Variants in GLIS3 observed in about 807,000 individuals in gnomAD.
GLIS3 encodes GLIS family zinc finger 3, also known as zinc finger protein GLIS3.
Under a neutral mutation model 78.6 loss-of-function variants are expected in GLIS3, and 53 were observed. The ratio of observed to expected loss-of-function variants is 0.67; its 90% confidence interval spans 0.54 to 0.85. GLIS3 has a LOEUF of 0.85. Ranked by LOEUF, GLIS3 falls within the 40% of genes least tolerant of loss-of-function variation. The pLI is 0.00. For missense variants in GLIS3, 1,703 were observed against 1,231.1 expected (o/e 1.38, Z -5.74); for synonymous variants, 684 against 509.9 (o/e 1.34, Z -4.60).
chr9:4,120,930 T>C (rs552798838), intron 3 of GLIS3, among the ~76,000 whole-genome samples: 288 of 152,384 alleles, frequency 1.9e-3, no homozygotes, highest in Non-Finnish European at 3.2e-3. Flanking sequence ...TGTTGAGAGA[T>C]GATTCTTATT....
At chr9:4,301,047 C>T (rs1817049662), upstream of GLIS3, among the ~76,000 whole-genome samples, 1 of 152,092 alleles carries the variant, frequency 6.6e-6, no homozygotes. Context: ...CTCAAGGACA[C>T]AAATGACTTA....
intron 6 of GLIS3, among the ~76,000 whole-genome samples, chr9:3,915,283 C>T (rs1439493309): frequency 1.3e-5 from 2 of 151,996 alleles, no homozygotes; most frequent in Non-Finnish European, 2.9e-5. Context: ...AATCCCCTCT[C>T]AAAAAAACAA....
At chr9:4,053,635 TAA>T (rs569983327) in intron 4 of GLIS3, among the ~76,000 whole-genome samples, 22 of 96,346 alleles carry the variant, frequency 2.3e-4, no homozygotes, top group Non-Finnish European at 2.3e-4. Context: ...TGCTCAAGGC[TAA>T]AAAAAAAAAA....
the GLIS3 span, among the ~76,000 whole-genome samples, chr9:4,442,035 C>G: frequency 1.3e-5 from 2 of 152,202 alleles, no homozygotes; most frequent in Non-Finnish European, 2.9e-5. Context: ...GGTATTAGTC[C>G]TTCTTTAAAC....
intron 4 of GLIS3, among the ~76,000 whole-genome samples, chr9:4,092,612 G>C (rs1235358133): frequency 6.6e-6 from 1 of 152,118 alleles, no homozygotes; most frequent in Non-Finnish European, 1.5e-5. Flanking sequence ...ACAGGGTCAT[G>C]ATCATCAATA....
chr9:4,397,802 G>A, the GLIS3 span, among the ~76,000 whole-genome samples: 12 of 151,440 alleles, frequency 7.9e-5, no homozygotes, highest in East Asian at 2.1e-3. Context: ...AGAGGAGGAA[G>A]GAAAATTACA....
chr9:4,364,198 C>G, the GLIS3 span, among the ~76,000 whole-genome samples: 3,336 of 152,292 alleles, frequency 0.022, 125 homozygotes, highest in African/African-American at 0.077. Flanking sequence ...ATATATCCCT[C>G]AGTCTACTGA....
At chr9:4,364,755 G>GTTT in the GLIS3 span, among the ~76,000 whole-genome samples, 2 of 15,486 alleles carry the variant, frequency 1.3e-4, no homozygotes, top group African/African-American at 1.6e-4. Flanking sequence ...ATCATGTATT[G>GTTT]CTTTTTTTTT....
chr9:3,972,617 C>T (rs1394700311), intron 4 of GLIS3, among the ~76,000 whole-genome samples: 1 of 152,070 alleles, frequency 6.6e-6, no homozygotes, highest in Admixed American at 6.6e-5. Context: ...TTCACATAAG[C>T]CATCTTTAGG....
chr9:4,073,961 TGTAGAA>T (rs1232686002), intron 4 of GLIS3, among the ~76,000 whole-genome samples: 1 of 152,230 alleles, frequency 6.6e-6, no homozygotes, highest in Non-Finnish European at 1.5e-5. Context: ...AGAAGTAAGC[TGTAGAA>T]GGCCATCATA....
chr9:4,366,136 A>G, the GLIS3 span, among the ~76,000 whole-genome samples: 1 of 152,212 alleles, frequency 6.6e-6, no homozygotes, highest in African/African-American at 2.4e-5. Context: ...GACAGAGGAT[A>G]TAAAGGGAAA....
intron 4 of GLIS3, among the ~76,000 whole-genome samples, chr9:3,989,471 T>C (rs1005128065): frequency 2.6e-5 from 4 of 152,212 alleles, no homozygotes; most frequent in Admixed American, 6.5e-5. Context: ...TGTAATAGCT[T>C]AAACTACAAT....
intron 2 of GLIS3, among the ~76,000 whole-genome samples, chr9:4,261,146 C>G (rs1462698756): frequency 1.3e-5 from 2 of 152,188 alleles, no homozygotes. Context: ...TCTTGATTAA[C>G]TCATCCCAAG....
chr9:4,355,535 C>A, the GLIS3 span, among the ~76,000 whole-genome samples: 6 of 152,142 alleles, frequency 3.9e-5, no homozygotes, highest in Non-Finnish European at 8.8e-5. Flanking sequence ...GAAATGGGTG[C>A]TACTCTCCTA....
At chr9:4,367,997 T>C in the GLIS3 span, among the ~76,000 whole-genome samples, 1 of 152,214 alleles carries the variant, frequency 6.6e-6, no homozygotes, top group African/African-American at 2.4e-5. Context: ...TGCAACCAAG[T>C]GTAATTCCAA....
intron 8 of GLIS3, among the ~76,000 whole-genome samples, chr9:3,859,419 T>C (rs1820023855): frequency 6.6e-6 from 1 of 151,354 alleles, no homozygotes; most frequent in Admixed American, 6.6e-5. Context: ...GAATATGTTC[T>C]GAATATTCTG....
chr9:4,253,223 T>G (rs1824565963), intron 2 of GLIS3, among the ~76,000 whole-genome samples: 1 of 152,220 alleles, frequency 6.6e-6, no homozygotes, highest in South Asian at 2.1e-4. Flanking sequence ...AGCCGCCCCT[T>G]TCCCCAGGTG....
In GLIS3 at chr9:4,209,534, G is replaced by A. The variant is rs865854238; in HGVS notation, c.388+76504C>T. 1.9e-4 allele frequency among the ~76,000 whole-genome samples: 29 copies of A among 152,292 alleles called. 1 individual carries two copies. Among genetic ancestry groups the A allele is most frequent in the Middle Eastern group, 3.4e-3 (1 of 294 alleles). On this transcript the variant is annotated intron_variant, in intron 2 of 10. Coordinates refer to ENST00000381971, the MANE Select transcript of GLIS3 (RefSeq NM_001042413.2). ...TAGAAACTTCACCAGCAACAAGTCT[G>A]TGCTATTCTCATTGTGCCTGCCATC...
the GLIS3 span, among the ~76,000 whole-genome samples, chr9:4,446,722 C>T: frequency 0.12 from 18,248 of 150,784 alleles, 1,166 homozygotes; most frequent in South Asian, 0.18. Flanking sequence ...ACCAAGTTGG[C>T]CAGACTGGTC....
Sources: gnomAD v4.1 joint callset for allele counts (sites outside exome capture counted in the v4.1 genomes callset) on GRCh38, gnomAD v4.1.1 for gene constraint, MANE v1.5 for transcripts, NCBI Gene and HGNC (gene_info 2026-07-23, HGNC 2026-07-21) for gene names.